Variants in TMEM45A observed in about 807,000 individuals in gnomAD.
TMEM45A encodes the protein DNA polymerase-transactivated protein 4.
TMEM45A carries 25 observed loss-of-function variants against 32.0 expected under a neutral mutation model. The observed-to-expected ratio is 0.78, with a 90% confidence interval of 0.57 to 1.09. TMEM45A has a LOEUF of 1.09. Ranked by LOEUF, TMEM45A falls within the 50% of genes least tolerant of loss-of-function variation. The pLI is 0.00. For synonymous variants in TMEM45A, 122 were observed against 114.8 expected, an observed-to-expected ratio of 1.06 and a Z score of -0.40; for missense variants, 302 against 325.0, an observed-to-expected ratio of 0.93 and a Z score of 0.54.
intron 1 of TMEM45A, among the ~76,000 whole-genome samples, chr3:100,502,138 A>G (rs1576255573): frequency 6.6e-6 from 1 of 152,274 alleles, no homozygotes; most frequent in East Asian, 1.9e-4. Flanking sequence ...TACATTTTAT[A>G]TAACTACCCT....
At chr3:100,499,624 C>T (rs1434338873) in intron 1 of TMEM45A, among the ~76,000 whole-genome samples, 2 of 152,136 alleles carry the variant, frequency 1.3e-5, no homozygotes, top group African/African-American at 2.4e-5. Flanking sequence ...CGCTTTTAAT[C>T]CCAGCACTTT....
intron 5 of TMEM45A, chr3:100,571,672 A>G (rs1706562616): frequency 6.6e-6 from 1 of 152,158 alleles, no homozygotes; most frequent in Non-Finnish European, 1.5e-5. Flanking sequence ...ATATGTATAC[A>G]TGTGCCATGT....
chr3:100,510,729 A>C lies in TMEM45A; in HGVS notation c.-4+17801A>C, dbSNP rs533960236. On this transcript the variant is annotated intron_variant, in intron 1 of 5. Coordinates refer to ENST00000323523, the MANE Select transcript of TMEM45A (RefSeq NM_018004.3). Reference sequence around the variant, plus strand: ...CAAAGAAGTTGAAAACTTTGAAAAAAATTTAGAAGAATGTATAACTAGAAT... The same window carrying C: ...CAAAGAAGTTGAAAACTTTGAAAAACATTTAGAAGAATGTATAACTAGAAT... 5.3e-3 allele frequency among the ~76,000 whole-genome samples: 805 copies of C among 152,304 alleles called. 16 individuals are homozygous for C. Among genetic ancestry groups the C allele is most frequent in the East Asian group, 0.023 (121 of 5,186 alleles).
At chr3:100,519,665 C>A in intron 1 of TMEM45A, 1 of 1,513,866 alleles carries the variant, frequency 6.6e-7, no homozygotes, top group Non-Finnish European at 9.0e-7. Flanking sequence ...AGAGCAAGAA[C>A]TTTTGATTCA....
chr3:100,535,952 G>C (rs1264937777), intron 1 of TMEM45A, among the ~76,000 whole-genome samples: 1 of 152,184 alleles, frequency 6.6e-6, no homozygotes, highest in African/African-American at 2.4e-5. Context: ...GGGAAAAAAA[G>C]TCTTGACGTT....
At chr3:100,532,193 A>C (rs1295994050) in intron 1 of TMEM45A, among the ~76,000 whole-genome samples, 1 of 152,160 alleles carries the variant, frequency 6.6e-6, no homozygotes, top group Non-Finnish European at 1.5e-5. Flanking sequence ...ACCCTGGAAC[A>C]CTCAGAGAAA....
At chr3:100,542,713 A>G (rs1705909813) in intron 1 of TMEM45A, among the ~76,000 whole-genome samples, 1 of 152,204 alleles carries the variant, frequency 6.6e-6, no homozygotes, top group Non-Finnish European at 1.5e-5. Flanking sequence ...CATAAAAAGG[A>G]ATGAAAATCA....
At chr3:100,552,650 G>C (rs996570952) in intron 1 of TMEM45A, among the ~76,000 whole-genome samples, 7 of 152,206 alleles carry the variant, frequency 4.6e-5, no homozygotes, top group African/African-American at 1.7e-4. Context: ...CAGTAGGTGG[G>C]TTGATAAGAT....
intron 1 of TMEM45A, among the ~76,000 whole-genome samples, chr3:100,503,073 C>T (rs1027870721): frequency 1.3e-5 from 2 of 151,426 alleles, no homozygotes; most frequent in East Asian, 1.9e-4. Flanking sequence ...TTCTCCTCCT[C>T]CTCCTCCTTC....
intron 1 of TMEM45A, among the ~76,000 whole-genome samples, chr3:100,514,769 C>T (rs1232795925): frequency 6.6e-6 from 1 of 151,948 alleles, no homozygotes; most frequent in Non-Finnish European, 1.5e-5. Context: ...TGAACTCTAA[C>T]AAATTTACAA....
chr3:100,524,330 A>G (rs1413791210), intron 1 of TMEM45A, among the ~76,000 whole-genome samples: 5 of 152,242 alleles, frequency 3.3e-5, no homozygotes, highest in South Asian at 4.1e-4. Context: ...CAGGGTTGAT[A>G]TGATAATTAA....
At chr3:100,494,339 G>A (rs1707892257) in intron 1 of TMEM45A, among the ~76,000 whole-genome samples, 1 of 152,108 alleles carries the variant, frequency 6.6e-6, no homozygotes, top group South Asian at 2.1e-4. Context: ...ATTAAAAGTT[G>A]CAGCCTGGGC....
At chr3:100,520,835 G>T (rs570288794) in intron 1 of TMEM45A, among the ~76,000 whole-genome samples, 35 of 152,230 alleles carry the variant, frequency 2.3e-4, no homozygotes, top group Admixed American at 6.5e-4. Flanking sequence ...TCTCCGTCTT[G>T]GTCCAGGAGG....
At chr3:100,495,366 AT>A (rs1410622534) in intron 1 of TMEM45A, among the ~76,000 whole-genome samples, 1 of 152,216 alleles carries the variant, frequency 6.6e-6, no homozygotes, top group Non-Finnish European at 1.5e-5. Context: ...GAGCAGGAAC[AT>A]TTTAGGAGGA....
At chr3:100,572,553 C>T (rs894872387) in intron 5 of TMEM45A, 2 of 151,388 alleles carry the variant, frequency 1.3e-5, no homozygotes, top group African/African-American at 4.9e-5. Context: ...TGTAGGTTGC[C>T]TGTTCACTCT....
intron 1 of TMEM45A, among the ~76,000 whole-genome samples, chr3:100,526,103 A>G (rs9839721): frequency 0.045 from 6,890 of 152,096 alleles, 542 homozygotes; most frequent in African/African-American, 0.16. Context: ...TCTCCCTTTC[A>G]TATACTCTGT....
intron 1 of TMEM45A, among the ~76,000 whole-genome samples, chr3:100,512,987 C>G (rs1187109303): frequency 2.7e-5 from 4 of 150,044 alleles, no homozygotes; most frequent in African/African-American, 7.4e-5. Context: ...TAATCAATAG[C>G]TTACCAACCA....
intron 1 of TMEM45A, among the ~76,000 whole-genome samples, chr3:100,499,139 C>T (rs11920006): frequency 0.43 from 65,508 of 151,916 alleles, 14,387 homozygotes; most frequent in Middle Eastern, 0.47. Flanking sequence ...TTCCATTCTT[C>T]GGGTTACCTT....
chr3:100,564,985 A>T (rs1706400482), intron 4 of TMEM45A, among the ~76,000 whole-genome samples: 1 of 152,220 alleles, frequency 6.6e-6, no homozygotes, highest in Non-Finnish European at 1.5e-5. Flanking sequence ...TATCCAGGTC[A>T]CTGTCCTTCG....
Sources: gnomAD v4.1 joint callset for allele counts (sites outside exome capture counted in the v4.1 genomes callset) on GRCh38, gnomAD v4.1.1 for gene constraint, MANE v1.5 for transcripts, NCBI Gene and HGNC (gene_info 2026-07-23, HGNC 2026-07-21) for gene names.